ZNFX1: variants seen among roughly 807,000 people sequenced by gnomAD.
ZNFX1 encodes NFX1-type zinc finger-containing protein 1.
ZNFX1 carries 78 observed loss-of-function variants against 179.8 expected under a neutral mutation model. That is an observed-to-expected ratio of 0.43 (90% CI 0.36 to 0.52). The LOEUF (loss-of-function observed/expected upper bound fraction) is 0.52, where lower values mean the gene tolerates loss of function less well. Ranked by LOEUF, ZNFX1 falls within the 20% of genes least tolerant of loss-of-function variation. The pLI, the probability that ZNFX1 is intolerant of heterozygous loss-of-function variation, is 0.00. For missense variants in ZNFX1, 1,927 were observed against 2,386.6 expected, an observed-to-expected ratio of 0.81 and a Z score of 4.01; for synonymous variants, 848 against 868.5, an observed-to-expected ratio of 0.98 and a Z score of 0.42.
At position 49,247,057 on chromosome 20, in the gene ZNFX1, CG is replaced by C; in HGVS notation, c.*209del. 1.7e-6 allele frequency: 1 copy of C among 580,626 alleles called. No individual in the cohort carries two copies. Among genetic ancestry groups the C allele is most frequent in the Non-Finnish European group, 3.0e-6 (1 of 336,590 alleles). The allele number at this position is 580,626 out of a possible 1,614,324, so 36.0% of individuals were successfully genotyped here. A position where few individuals can be genotyped will look rare whatever the true frequency, so the allele number is the denominator to read the frequency against. ...CTAATTTTTGTATTTTTAGTAGAGA[CG>C]GGGTTTCGCCATGTTGGTCAGGCTG... On this transcript the variant is annotated 3_prime_UTR_variant, in exon 14 of 14. Transcript: ENST00000396105.
intron 1 of ZNFX1, 79 bp from the exon 2 acceptor site, chr20:49,275,966 C>A: frequency 1.2e-6 from 1 of 844,950 alleles, no homozygotes; most frequent in African/African-American, 1.7e-5. Context: ...GCCAGTCCTT[C>A]TGCCTTTGTT....
intron 13 of ZNFX1, among the ~76,000 whole-genome samples, chr20:49,250,258 C>A (rs1192816801): frequency 1.7e-4 from 26 of 151,540 alleles, no homozygotes; most frequent in Admixed American, 1.6e-3. Context: ...GACTCCATCT[C>A]AAAAAAAATA....
intron 7 of ZNFX1, 146 bp downstream of exon 7, chr20:49,260,317 T>G: frequency 2.4e-6 from 1 of 422,846 alleles, no homozygotes; most frequent in East Asian, 4.2e-5. Flanking sequence ...GTATTTTATC[T>G]CTTTTCCTTA....
intron 5 of ZNFX1, among the ~76,000 whole-genome samples, chr20:49,264,252 G>T (rs995505475): frequency 6.6e-6 from 1 of 152,150 alleles, no homozygotes; most frequent in Non-Finnish European, 1.5e-5. Flanking sequence ...CACTCAGAAA[G>T]TTTTGGATTT....
chr20:49,248,081 T>C lies in ZNFX1; in HGVS notation c.4943A>G (p.Glu1648Gly), dbSNP rs185849186. The C allele has an allele frequency of 1.5e-5, 24 of 1,614,220 alleles. No individual in the cohort carries two copies. In the East Asian group the frequency reaches 5.1e-4, roughly 34 times the overall value. The change falls in exon 14 of 14, where the codon GAA becomes GGA. Residue 1648 changes from glutamate to glycine, a missense_variant. Coordinates refer to ENST00000396105, the MANE Select transcript of ZNFX1 (RefSeq NM_021035.3). The surrounding 1 kb of genome is among the most constrained non-coding windows in gnomAD (Gnocchi z 4.6). ...QRLEEIEIIK[E>G]KIQGSAGEIA... ...TTCCCCTGCTGAGCCCTGGATCTTTTCCTTGATGATTTCAATCTCTTCTAG... is the reference window on the plus strand; with the variant it reads ...TTCCCCTGCTGAGCCCTGGATCTTTCCCTTGATGATTTCAATCTCTTCTAG...
Position 49,266,186 on chromosome 20 carries a change from G to T in ZNFX1, c.1951C>A (p.Pro651Thr). ...TTAGTATAACACACAACCAAGATGG[G>T]GAACTTCTGGAGGCTAATTTGCCAA... ...SVWQISLQKF[P>T]ILVVCYTNHA... Residue 651 changes from proline to threonine, a missense_variant, in exon 4 of 14, where the codon CCC becomes ACC. Pro to Thr is a conservative substitution (Grantham distance 38, BLOSUM62 -1). Transcript: ENST00000396105. The T allele has an allele frequency of 6.2e-7, 1 of 1,613,164 alleles. No individual in the cohort carries two copies. The highest frequency in any genetic ancestry group is 8.5e-7 in the Non-Finnish European group (1 of 1,179,640).
Position 49,269,922 on chromosome 20 carries a change from T to C in ZNFX1, c.1870+20A>G, listed in dbSNP as rs757241686. 6.4e-7 allele frequency: 1 copy of C among 1,568,480 alleles called. No individual in the cohort carries two copies. Among genetic ancestry groups the C allele is most frequent in the Admixed American group, 2.0e-5 (1 of 50,408 alleles). Reference sequence around the variant, plus strand: ...ATCTTACAAAGCAGATCTTATGTACTCTAAAAAATTTTGTCTTACCTGTTC... The same window carrying C: ...ATCTTACAAAGCAGATCTTATGTACCCTAAAAAATTTTGTCTTACCTGTTC... On this transcript the variant is annotated intron_variant, in intron 3 of 13. Coordinates refer to ENST00000396105, the MANE Select transcript of ZNFX1 (RefSeq NM_021035.3).
chr20:49,248,684 C>G lies in ZNFX1; in HGVS notation c.4340G>C (p.Gly1447Ala). 1 of 1,612,828 alleles carries G rather than the reference C, an allele frequency of 6.2e-7. No homozygotes were observed. The highest frequency in any genetic ancestry group is 8.5e-7 in the Non-Finnish European group (1 of 1,180,030). Residue 1447 changes from glycine (G) to alanine (A), a missense_variant, in exon 14 of 14, where the codon GGC becomes GCC. Transcript: ENST00000396105. This position sits in a 1 kb window ranked among gnomAD's most constrained non-coding sequence, Gnocchi z 4.6. ...TILDCGHPCP[G>A]SCHSCFEGRF... ...CCCTTCGAAGCAGCTGTGGCAGGAG[C>G]CTGGGCAAGGATGCCCGCAGTCCAA...
intron 6 of ZNFX1, among the ~76,000 whole-genome samples, chr20:49,262,034 T>C (rs1375350203): frequency 1.1e-5 from 1 of 90,876 alleles, no homozygotes; most frequent in Non-Finnish European, 2.7e-5. Flanking sequence ...AGAAACATCA[T>C]ATTGTTAAAA....
At position 49,263,422 on chromosome 20, in the gene ZNFX1, C is replaced by T. The variant is rs1354065384; in HGVS notation, c.2213G>A (p.Cys738Tyr). The change falls in exon 6 of 14, where the codon TGC (cysteine) becomes TAC (tyrosine). Residue 738 changes from cysteine to tyrosine, a missense_variant. Cys to Tyr is a radical substitution (Grantham distance 194, BLOSUM62 -2). Coordinates refer to ENST00000396105, the MANE Select transcript of ZNFX1 (RefSeq NM_021035.3). The stretch of plus-strand genomic sequence containing the variant: ...TTCCCGTAGGACACCACGCATGGTG[C>T]ACTCCAGGGTCTTGGCTCCTTCATG... ...ELHEGAKTLE[C>Y]TMRGVLREQY... is the part of the protein sequence containing the mutation. 9 of 1,612,218 alleles carry T rather than the reference C, an allele frequency of 5.6e-6. No individual in the cohort carries two copies. The highest frequency in any genetic ancestry group is 1.6e-4 in the Middle Eastern group (1 of 6,080).
Position 49,263,375 on chromosome 20 carries a change from A to T in ZNFX1, c.2260T>A (p.Ser754Thr). 6.2e-7 allele frequency: 1 copy of T among 1,613,922 alleles called. No homozygotes were observed. The highest frequency in any genetic ancestry group is 8.5e-7 in the Non-Finnish European group (1 of 1,180,018). Residue 754 changes from serine (S) to threonine (T), a missense_variant, in exon 6 of 14, where the codon TCA (serine) becomes ACA (threonine). Transcript: ENST00000396105. ...ATGAGACTTTCCCAGTGCTGGGGTG[A>T]GATGTACTTCTGCAGGTACTGTTCC... ...LREQYLQKYISPQHWESLMNG... is the reference protein window; with the variant it reads ...LREQYLQKYITPQHWESLMNG...
rs959687283 is a variant in ZNFX1, at chr20:49,261,715, G to A, written c.2302-1138C>T. On this transcript the variant is annotated intron_variant, in intron 6 of 13. Coordinates refer to ENST00000396105, the MANE Select transcript of ZNFX1 (RefSeq NM_021035.3). ...GGCTGGAGTGCAGTGGCACGATCTC[G>A]GCTCACTGCAAGCTCTGCCTCCCAG... Among the ~76,000 whole-genome samples the A allele has an allele frequency of 4.3e-4, 64 of 150,224 alleles. 1 individual carries two copies. Among genetic ancestry groups the A allele is most frequent in the Non-Finnish European group, 8.4e-4 (57 of 67,772 alleles).
At position 49,271,641 on chromosome 20, in the gene ZNFX1, G is replaced by C. The variant is rs151164107; in HGVS notation, c.171C>G (p.Asn57Lys). The change falls in exon 3 of 14, where the codon AAC becomes AAG. Residue 57 changes from asparagine to lysine, a missense_variant. Asn to Lys is a moderately conservative substitution (Grantham distance 94). Coordinates refer to ENST00000396105, the MANE Select transcript of ZNFX1 (RefSeq NM_021035.3). ...TCTGCCAGTAAGCAGCAGGATGGTT[G>C]TTGGCCCTAGGATGCCTTCCAGGGT... The part of the protein sequence containing the change: ...ASHPGRHPRA[N>K]NHPAAYWQRE... The C allele has an allele frequency of 6.8e-6, 11 of 1,613,984 alleles. No homozygotes were observed. The highest frequency in any genetic ancestry group is 1.6e-4 in the Middle Eastern group (1 of 6,062).
At chr20:49,266,600 G>A (rs982546084) in intron 3 of ZNFX1, among the ~76,000 whole-genome samples, 37 of 76,334 alleles carry the variant, frequency 4.8e-4, no homozygotes, top group African/African-American at 1.2e-3. Context: ...TCTACATCTT[G>A]ATTTTTTTCA....
Position 49,257,622 on chromosome 20 carries a change from C to A in ZNFX1, c.2459G>T (p.Ser820Ile). The stretch of plus-strand genomic sequence containing the variant: ...TTCCTCTGCGATCTCTATCAGCGAA[C>A]TCTCCTCCTCCCCTTCTTCCTCCTC... ...GDEEEEGEEE[S>I]SLIEIAEEAD... Residue 820 changes from serine to isoleucine, a missense_variant, in exon 8 of 14, where the codon AGT becomes ATT. Ser to Ile is a moderately radical substitution (Grantham distance 142). Transcript: ENST00000396105. 1 of 1,613,890 alleles carries A rather than the reference C, an allele frequency of 6.2e-7. No individual in the cohort carries two copies. The highest frequency in any genetic ancestry group is 8.5e-7 in the Non-Finnish European group (1 of 1,180,004).
intron 13 of ZNFX1, among the ~76,000 whole-genome samples, chr20:49,250,899 T>C (rs1041337702): frequency 1.3e-5 from 2 of 152,198 alleles, no homozygotes; most frequent in Admixed American, 6.5e-5. Context: ...TTAGTAGAGA[T>C]GGGATTTCAC....
rs1227579690 is a variant in ZNFX1 at position 49,249,589 on chromosome 20, C to T, written c.3435G>A (p.Leu1145=). 8.7e-6 allele frequency: 14 copies of T among 1,614,246 alleles called. No homozygotes were observed. The highest frequency in any genetic ancestry group is 1.2e-5 in the Non-Finnish European group (14 of 1,180,056). The stretch of plus-strand genomic sequence containing the variant: ...TCTGGGAAGGCAGGTATTCCTGGCA[C>T]AGGAAGTACTTGCACAGCTCTACCA... ...HFVVELCKYF[L]CQEYLPSQIT... is the part of the protein sequence containing the mutation. Residue 1145 remains leucine (L), a synonymous_variant, in exon 14 of 14, where the codon CTG becomes CTA. Coordinates refer to ENST00000396105, the MANE Select transcript of ZNFX1 (RefSeq NM_021035.3).
At position 49,248,262 on chromosome 20, in the gene ZNFX1, G is replaced by C; in HGVS notation, c.4762C>G (p.Leu1588Val). ...TCAAAGATGTGGCTGCAGTCTTCCAGCTGCACAAAGCGGGCATCAGGCTCA... is the reference window on the plus strand; with the variant it reads ...TCAAAGATGTGGCTGCAGTCTTCCACCTGCACAAAGCGGGCATCAGGCTCA... ...EDEPDARFVQ[L>V]EDCSHIFEVQ... The change falls in exon 14 of 14, where the codon CTG (leucine) becomes GTG (valine). Residue 1588 changes from leucine to valine, a missense_variant. Transcript: ENST00000396105. The surrounding 1 kb of genome is among the most constrained non-coding windows in gnomAD (Gnocchi z 4.6). 6.2e-7 allele frequency: 1 copy of C among 1,614,128 alleles called. No individual in the cohort carries two copies. The highest frequency in any genetic ancestry group is 8.5e-7 in the Non-Finnish European group (1 of 1,180,038).
At position 49,248,980 on chromosome 20, in the gene ZNFX1, C is replaced by T. The variant is rs370050212; in HGVS notation, c.4044G>A (p.Val1348=). 5.6e-6 allele frequency: 9 copies of T among 1,614,238 alleles called. No homozygotes were observed. The South Asian group carries it at 6.6e-5, about 12-fold the overall frequency. Residue 1348 remains valine (V), a synonymous_variant, in exon 14 of 14, where the codon GTG becomes GTA. Coordinates refer to ENST00000396105, the MANE Select transcript of ZNFX1 (RefSeq NM_021035.3). The surrounding 1 kb of genome is among the most constrained non-coding windows in gnomAD (Gnocchi z 4.6). ...GGCCGCACCGAGGAATGGTTTTGGG[C>T]ACCTTCACCTGACAAGGCTGACACT... is the stretch of plus-strand genomic sequence containing the variant. ...FQECQPCQVK[V]PKTIPRCGHE...
Sources: gnomAD v4.1 joint callset for allele counts (sites outside exome capture counted in the v4.1 genomes callset) on GRCh38, gnomAD v4.1.1 for gene constraint, Gnocchi (gnomAD v3.1) non-coding constraint, MANE v1.5 for transcripts, NCBI Gene and HGNC (gene_info 2026-07-23, HGNC 2026-07-21) for gene names.